RASGRF2: variants seen among roughly 807,000 people sequenced by gnomAD.
RASGRF2 encodes the protein Ras protein specific guanine nucleotide releasing factor 2.
In RASGRF2, 76 loss-of-function variants were observed where a neutral mutation model predicts 151.0. That is an observed-to-expected ratio of 0.50 (90% CI 0.42 to 0.61). The LOEUF (loss-of-function observed/expected upper bound fraction) is 0.61. Among genes scored for constraint, RASGRF2 ranks in the 20% least tolerant of loss-of-function variants. RASGRF2 has a pLI of 0.00. For synonymous variants in RASGRF2, 504 were observed against 566.5 expected (o/e 0.89, Z 1.57); for missense variants, 1,148 against 1,564.6 (o/e 0.73, Z 4.49).
chr5:81,112,527 T>C (rs1406169593), intron 13 of RASGRF2, 83 bp from the exon 14 acceptor site: 1 of 1,564,384 alleles, frequency 6.4e-7, no homozygotes, highest in Non-Finnish European at 8.7e-7. Context: ...CCTGAGTGTG[T>C]GATTACAAAC....
rs571298312 is a variant in RASGRF2 at position 81,126,207 on chromosome 5, T to C, written c.2597-867T>C. On this transcript the variant is annotated intron_variant, in intron 16 of 26. Transcript: ENST00000265080. ...GCACTGCCAAACGCTGTGTGTACAGTCCGAGGAGTGAAAGGGACTGCAAGG... is the reference window on the plus strand; with the variant it reads ...GCACTGCCAAACGCTGTGTGTACAGCCCGAGGAGTGAAAGGGACTGCAAGG... 1.2e-4 allele frequency among the ~76,000 whole-genome samples: 19 copies of C among 152,310 alleles called. No homozygotes were observed. The South Asian group carries it at 3.9e-3, about 32-fold the overall frequency.
chr5:81,067,881 G>A (rs1751655549), intron 2 of RASGRF2, 151 bp from the exon 3 acceptor site: 2 of 569,150 alleles, frequency 3.5e-6, no homozygotes, highest in East Asian at 3.4e-5. Context: ...GATACCAAAT[G>A]TAAGCTGAAA....
chr5:81,002,139 T>C (rs1257497241), intron 1 of RASGRF2, among the ~76,000 whole-genome samples: 1 of 152,240 alleles, frequency 6.6e-6, no homozygotes, highest in Non-Finnish European at 1.5e-5. Flanking sequence ...CCAACTTTTT[T>C]TCCTCCTAGT....
At chr5:80,964,349 C>T (rs1747659496) in intron 1 of RASGRF2, among the ~76,000 whole-genome samples, 1 of 152,150 alleles carries the variant, frequency 6.6e-6, no homozygotes, top group East Asian at 1.9e-4. Flanking sequence ...GAAAACCTCC[C>T]GTTTTGTTCC....
intron 1 of RASGRF2, among the ~76,000 whole-genome samples, chr5:81,011,100 A>G (rs1459018690): frequency 6.6e-6 from 1 of 152,248 alleles, no homozygotes; most frequent in Admixed American, 6.5e-5. Context: ...TGCACAAAAT[A>G]TATGGATAAG....
intron 18 of RASGRF2, among the ~76,000 whole-genome samples, chr5:81,200,734 G>GT (rs1037714940): frequency 1.6e-4 from 24 of 152,264 alleles, no homozygotes; most frequent in African/African-American, 5.5e-4. Flanking sequence ...TGAGTTACGT[G>GT]TGCCGTGGGT....
chr5:80,981,350 T>G (rs564948044), intron 1 of RASGRF2, among the ~76,000 whole-genome samples: 4 of 152,160 alleles, frequency 2.6e-5, no homozygotes, highest in African/African-American at 9.7e-5. Context: ...TACCTGTACT[T>G]TCTGATAGCT....
rs572753643 is a variant in RASGRF2 at position 81,226,045 on chromosome 5, C to T, written c.*275C>T. ...AATGTCAGATGGGAGATGCTAGTTG[C>T]CATTTTAACAAAGCAGGTAAATCGG... is the stretch of plus-strand genomic sequence containing the variant. On this transcript the variant is annotated 3_prime_UTR_variant, in exon 27 of 27. Coordinates refer to ENST00000265080, the MANE Select transcript of RASGRF2 (RefSeq NM_006909.3). 4 of 307,000 alleles carry T rather than the reference C, an allele frequency of 1.3e-5. No individual in the cohort carries two copies. The East Asian group carries it at 2.5e-4, about 19-fold the overall frequency. The allele number at this position is 307,000 out of a possible 1,614,324, so 19.0% of individuals were successfully genotyped here.
intron 12 of RASGRF2, among the ~76,000 whole-genome samples, chr5:81,099,294 T>C (rs1413359747): frequency 6.6e-6 from 1 of 152,260 alleles, no homozygotes; most frequent in Non-Finnish European, 1.5e-5. Flanking sequence ...CATATTCATA[T>C]TGGCTATCTA....
At chr5:81,137,263 T>C (rs1464278305) in intron 17 of RASGRF2, among the ~76,000 whole-genome samples, 3 of 152,208 alleles carry the variant, frequency 2.0e-5, no homozygotes, top group Non-Finnish European at 4.4e-5. Flanking sequence ...TGTAGGCTAC[T>C]GTCCTGAGCA....
intron 18 of RASGRF2, among the ~76,000 whole-genome samples, chr5:81,183,788 C>T (rs958875587): frequency 3.9e-5 from 6 of 152,290 alleles, no homozygotes; most frequent in Admixed American, 2.0e-4. Context: ...TCCACCTCTT[C>T]GGGTGTTAGT....
intron 2 of RASGRF2, among the ~76,000 whole-genome samples, chr5:81,066,080 T>C (rs1275629484): frequency 6.6e-6 from 1 of 152,180 alleles, no homozygotes; most frequent in Non-Finnish European, 1.5e-5. Flanking sequence ...TGTAACCAAT[T>C]TGGCATATTT....
intron 1 of RASGRF2, among the ~76,000 whole-genome samples, chr5:80,988,756 A>G (rs1380832912): frequency 6.6e-6 from 1 of 152,220 alleles, no homozygotes; most frequent in African/African-American, 2.4e-5. Flanking sequence ...TTCCTTAAAA[A>G]TGTTGTAATG....
chr5:81,005,483 A>G (rs1026346964), intron 1 of RASGRF2, among the ~76,000 whole-genome samples: 2 of 152,178 alleles, frequency 1.3e-5, no homozygotes, highest in African/African-American at 2.4e-5. Context: ...GGGAACTGCA[A>G]TTCAAGATAC....
intron 23 of RASGRF2, among the ~76,000 whole-genome samples, chr5:81,213,474 A>G (rs1379321543): frequency 6.6e-6 from 1 of 152,204 alleles, no homozygotes; most frequent in East Asian, 1.9e-4. Context: ...GTGAACACCC[A>G]GAGTTGGTGA....
chr5:81,139,871 G>C (rs1016748054), intron 17 of RASGRF2, among the ~76,000 whole-genome samples: 1 of 152,104 alleles, frequency 6.6e-6, no homozygotes, highest in African/African-American at 2.4e-5. Flanking sequence ...CACCCAGGCT[G>C]TCATGGAGTA....
Position 81,113,918 on chromosome 5 carries a change from A to T in RASGRF2, c.2468A>T (p.Lys823Ile). The T allele has an allele frequency of 6.2e-7, 1 of 1,612,276 alleles. No individual in the cohort carries two copies. The highest frequency in any genetic ancestry group is 8.5e-7 in the Non-Finnish European group (1 of 1,178,874). Residue 823 changes from lysine (K) to isoleucine (I), a missense_variant and splice_region_variant, in exon 15 of 27, where the codon AAA becomes ATA. Around this residue, in one of 5 missense-constraint regions of RASGRF2, gnomAD observed 646 missense variants for 807.4 expected, o/e 0.80. Coordinates refer to ENST00000265080, the MANE Select transcript of RASGRF2 (RefSeq NM_006909.3). The stretch of plus-strand genomic sequence containing the variant: ...AACAAGCTAAAACGAAGTATTCAAA[A>T]AGGTATTATCTAGCACATTTGCATA... The part of the protein sequence containing the change: ...LCNKLKRSIQ[K>I]AVLESAPADR...
intron 9 of RASGRF2, among the ~76,000 whole-genome samples, chr5:81,089,281 G>A (rs947399759): frequency 3.3e-5 from 5 of 152,096 alleles, no homozygotes; most frequent in African/African-American, 9.7e-5. Flanking sequence ...CTCTAAAGGT[G>A]TACTAATATT....
intron 18 of RASGRF2, among the ~76,000 whole-genome samples, chr5:81,196,095 C>CA (rs920131843): frequency 6.6e-6 from 1 of 152,118 alleles, no homozygotes; most frequent in Non-Finnish European, 1.5e-5. Flanking sequence ...CCCATCTCTA[C>CA]AAAAAATACA....
Sources: allele counts gnomAD v4.1 joint callset (sites outside exome capture counted in the v4.1 genomes callset), GRCh38; gene constraint gnomAD v4.1.1; regional missense constraint gnomAD v4.1.1; transcripts MANE v1.5; gene names NCBI Gene and HGNC (gene_info 2026-07-23, HGNC 2026-07-21).